Variants in CREB5 observed in about 807,000 individuals in gnomAD.
The protein encoded by CREB5 is cyclic AMP-responsive element-binding protein 5.
Under a neutral mutation model 57.1 loss-of-function variants are expected in CREB5, and 19 were observed. That is an observed-to-expected ratio of 0.33 (90% CI 0.23 to 0.49). The LOEUF (loss-of-function observed/expected upper bound fraction) is 0.49, where lower values mean the gene tolerates loss of function less well. Ranked by LOEUF, CREB5 falls within the 20% of genes least tolerant of loss-of-function variation. CREB5 has a pLI of 0.99. For missense variants in CREB5, 579 were observed against 671.6 expected, an observed-to-expected ratio of 0.86 and a Z score of 1.52; for synonymous variants, 238 against 238.3, an observed-to-expected ratio of 1.00 and a Z score of 0.01.
intron 4 of CREB5, among the ~76,000 whole-genome samples, chr7:28,531,131 A>G (rs1409375287): frequency 1.3e-5 from 2 of 152,058 alleles, no homozygotes; most frequent in East Asian, 3.9e-4. Flanking sequence ...GGTGCAAAGT[A>G]ACCAGGCCTG....
At chr7:28,813,555 A>AC (rs769386824) in intron 9 of CREB5, among the ~76,000 whole-genome samples, 4 of 152,150 alleles carry the variant, frequency 2.6e-5, no homozygotes, top group Non-Finnish European at 5.9e-5. Context: ...CAGCTAATCT[A>AC]CCAAAACAAA....
chr7:28,786,225 AAAG>A (rs1807316556), intron 7 of CREB5, among the ~76,000 whole-genome samples: 1 of 152,124 alleles, frequency 6.6e-6, no homozygotes. Flanking sequence ...TAAGTAGAGA[AAAG>A]AAGGGAAGTT....
At chr7:28,596,833 T>C (rs1796705349) in intron 5 of CREB5, among the ~76,000 whole-genome samples, 1 of 152,218 alleles carries the variant, frequency 6.6e-6, no homozygotes, top group African/African-American at 2.4e-5. Flanking sequence ...GTGTTAGCTA[T>C]TATTATTATT....
chr7:28,386,091 T>C (rs1011780372), intron 1 of CREB5, among the ~76,000 whole-genome samples: 2 of 152,216 alleles, frequency 1.3e-5, no homozygotes, highest in Non-Finnish European at 2.9e-5. Context: ...TTAATATTGT[T>C]GTTTTATAGT....
chr7:28,685,550 T>A (rs1354839187), intron 5 of CREB5, among the ~76,000 whole-genome samples: 1 of 152,180 alleles, frequency 6.6e-6, no homozygotes, highest in African/African-American at 2.4e-5. Context: ...CCCAAGCTGC[T>A]AACTGAGGTT....
intron 1 of CREB5, among the ~76,000 whole-genome samples, chr7:28,348,391 C>T (rs200761731): frequency 1.8e-5 from 2 of 114,054 alleles, no homozygotes; most frequent in African/African-American, 6.4e-5. Flanking sequence ...CTGTCTCTCT[C>T]TCTCTGTCTC....
chr7:28,817,802 C>T (rs780870171), intron 9 of CREB5, among the ~76,000 whole-genome samples: 1 of 152,284 alleles, frequency 6.6e-6, no homozygotes, highest in African/African-American at 2.4e-5. Context: ...CACCTGGCTT[C>T]GGTTCCCATC....
intron 1 of CREB5, among the ~76,000 whole-genome samples, chr7:28,340,212 C>T (rs1785908523): frequency 1.3e-5 from 2 of 151,762 alleles, no homozygotes; most frequent in South Asian, 4.1e-4. Context: ...GAAGGAATCT[C>T]TCCTCATAGC....
chr7:28,630,121 G>A (rs553689591), intron 5 of CREB5, among the ~76,000 whole-genome samples: 7 of 152,278 alleles, frequency 4.6e-5, no homozygotes, highest in South Asian at 2.1e-4. Flanking sequence ...TTCCTGAATC[G>A]TTAGAGGGTA....
chr7:28,389,986 G>T (rs1358215435), intron 1 of CREB5, among the ~76,000 whole-genome samples: 1 of 151,094 alleles, frequency 6.6e-6, no homozygotes, highest in Admixed American at 6.6e-5. Context: ...TATCCTGGAG[G>T]CTCTGTAATT....
chr7:28,355,331 C>T (rs1786318732), intron 1 of CREB5, among the ~76,000 whole-genome samples: 1 of 152,164 alleles, frequency 6.6e-6, no homozygotes, highest in Admixed American at 6.5e-5. Flanking sequence ...TTTCTGCTGA[C>T]CCTTGGCATG....
intron 1 of CREB5, among the ~76,000 whole-genome samples, chr7:28,345,731 G>T (rs892181539): frequency 6.6e-6 from 1 of 152,208 alleles, no homozygotes; most frequent in South Asian, 2.1e-4. Flanking sequence ...CAACAGGATG[G>T]TGGGAGCTGC....
intron 7 of CREB5, among the ~76,000 whole-genome samples, chr7:28,781,774 A>ATT (rs34772883): frequency 0.012 from 1,784 of 149,976 alleles, 32 homozygotes; most frequent in African/African-American, 0.04. Flanking sequence ...ACAAAAATTG[A>ATT]TTTTTTTTTT....
intron 7 of CREB5, among the ~76,000 whole-genome samples, chr7:28,745,318 G>C (rs1402140741): frequency 6.6e-6 from 1 of 152,218 alleles, no homozygotes; most frequent in Non-Finnish European, 1.5e-5. Context: ...AATAGTGACA[G>C]CCACTGAACC....
intron 1 of CREB5, among the ~76,000 whole-genome samples, chr7:28,356,298 G>T (rs1256956351): frequency 2.0e-5 from 3 of 152,220 alleles, no homozygotes; most frequent in Admixed American, 2.0e-4. Context: ...CACTTCCACA[G>T]CTGCTATCTC....
chr7:28,641,732 T>C (rs2128700693), intron 5 of CREB5, among the ~76,000 whole-genome samples: 1 of 152,334 alleles, frequency 6.6e-6, no homozygotes, highest in East Asian at 1.9e-4. Context: ...TCCAGCTCCA[T>C]GAGAAGAGTT....
intron 3 of CREB5, among the ~76,000 whole-genome samples, chr7:28,502,025 C>G (rs1792294353): frequency 6.6e-6 from 1 of 152,136 alleles, no homozygotes; most frequent in Non-Finnish European, 1.5e-5. Context: ...CTGGATCACC[C>G]TGGCCAGGAT....
Position 28,823,191 on chromosome 7 carries a change from A to G in CREB5, c.*3912A>G, listed in dbSNP as rs1209703311. ...CTCGGTAACTGCTATAAAACTAGCC[A>G]TCCAGTTAGGATAGAATGTGTTTCT... On this transcript the variant is annotated 3_prime_UTR_variant, in exon 11 of 11. Transcript: ENST00000357727. The G allele has an allele frequency of 6.6e-6, 1 of 152,628 alleles. No individual in the cohort carries two copies. The highest frequency in any genetic ancestry group is 1.5e-5 in the Non-Finnish European group (1 of 68,048). 9.5% of individuals were successfully genotyped at this position (152,628 alleles called of 1,614,324 possible).
intron 7 of CREB5, among the ~76,000 whole-genome samples, chr7:28,751,079 C>A (rs1437561934): frequency 6.6e-6 from 1 of 151,928 alleles, no homozygotes; most frequent in African/African-American, 2.4e-5. Context: ...TAGGCTTCTT[C>A]CAAACAAATA....
Sources: allele counts gnomAD v4.1 joint callset (sites outside exome capture counted in the v4.1 genomes callset), GRCh38; gene constraint gnomAD v4.1.1; transcripts MANE v1.5; gene names NCBI Gene and HGNC (gene_info 2026-07-23, HGNC 2026-07-21).